The following CHST11 variants were observed in gnomAD, a reference collection of about 807,000 sequenced individuals.
CHST11 encodes C4S-1.
Under a neutral mutation model 30.4 loss-of-function variants are expected in CHST11, and 9 were observed. The observed-to-expected ratio is 0.30, with a 90% CI of 0.18 to 0.52. The LOEUF is 0.52. Ranked by LOEUF, CHST11 falls within the 20% of genes least tolerant of loss-of-function variation. CHST11 has a pLI of 0.97. For missense variants in CHST11, 348 were observed against 460.6 expected, an observed-to-expected ratio of 0.76 and a Z score of 2.24; for synonymous variants, 152 against 187.8, an observed-to-expected ratio of 0.81 and a Z score of 1.56.
At chr12:104,675,626 G>C (rs925086101) in intron 2 of CHST11, among the ~76,000 whole-genome samples, 2 of 152,120 alleles carry the variant, frequency 1.3e-5, no homozygotes, top group African/African-American at 4.8e-5. Context: ...TCAATCCAGG[G>C]GTTGAAGAAC....
chr12:104,565,149 T>A (rs1004280614), intron 1 of CHST11, among the ~76,000 whole-genome samples: 1 of 151,874 alleles, frequency 6.6e-6, no homozygotes, highest in African/African-American at 2.4e-5. Context: ...ACTCAAGGGC[T>A]CCCTGGTGGC....
chr12:104,630,732 T>C (rs1042203145), intron 2 of CHST11, among the ~76,000 whole-genome samples: 3 of 152,232 alleles, frequency 2.0e-5, no homozygotes, highest in African/African-American at 7.2e-5. Context: ...AAAACATCTC[T>C]TCTCAAGGCA....
At chr12:104,556,953 C>G (rs982380595) in intron 1 of CHST11, among the ~76,000 whole-genome samples, 2 of 150,654 alleles carry the variant, frequency 1.3e-5, no homozygotes, top group African/African-American at 2.4e-5. Context: ...TGCGCTCCAG[C>G]CTGGGCAACA....
intron 1 of CHST11, among the ~76,000 whole-genome samples, chr12:104,545,825 C>G (rs1054882017): frequency 9.9e-6 from 1 of 101,078 alleles, no homozygotes; most frequent in African/African-American, 3.1e-5. Flanking sequence ...CTCTCTTGCT[C>G]TCTGTCTCTC....
intron 1 of CHST11, among the ~76,000 whole-genome samples, chr12:104,489,632 C>A (rs556610164): frequency 1.3e-5 from 2 of 152,240 alleles, no homozygotes; most frequent in Non-Finnish European, 2.9e-5. Flanking sequence ...GCATGCACCA[C>A]CACGCCCAGC....
chr12:104,520,489 CT>C (rs903274327), intron 1 of CHST11, among the ~76,000 whole-genome samples: 149 of 150,920 alleles, frequency 9.9e-4, no homozygotes, highest in African/African-American at 3.5e-3. Flanking sequence ...CTTGTGTAAC[CT>C]TTTTTTTTAA....
chr12:104,520,748 G>T (rs1222501561), intron 1 of CHST11, among the ~76,000 whole-genome samples: 1 of 152,184 alleles, frequency 6.6e-6, no homozygotes, highest in African/African-American at 2.4e-5. Context: ...TGGGAGCGGG[G>T]ATGGCAGGGG....
intron 1 of CHST11, among the ~76,000 whole-genome samples, chr12:104,501,356 A>G (rs2037852534): frequency 6.6e-6 from 1 of 152,200 alleles, no homozygotes; most frequent in Non-Finnish European, 1.5e-5. Flanking sequence ...GGAAGTAACA[A>G]GAGGGCACTT....
chr12:104,511,008 C>A (rs996873043), intron 1 of CHST11, among the ~76,000 whole-genome samples: 4 of 151,874 alleles, frequency 2.6e-5, no homozygotes, highest in Non-Finnish European at 5.9e-5. Context: ...AGCCCAAAAC[C>A]TTTTGTTTGA....
At chr12:104,574,098 A>G (rs2038658128) in intron 1 of CHST11, among the ~76,000 whole-genome samples, 1 of 152,224 alleles carries the variant, frequency 6.6e-6, no homozygotes, top group Non-Finnish European at 1.5e-5. Context: ...CAGCCAAAAG[A>G]CACATGAAAA....
chr12:104,574,495 G>A (rs1314157640), intron 1 of CHST11, among the ~76,000 whole-genome samples: 1 of 152,194 alleles, frequency 6.6e-6, no homozygotes, highest in Non-Finnish European at 1.5e-5. Flanking sequence ...TTAAGAAAAT[G>A]TGGCACATAT....
chr12:104,650,391 C>G (rs893262314), intron 2 of CHST11, among the ~76,000 whole-genome samples: 2 of 152,124 alleles, frequency 1.3e-5, no homozygotes, highest in African/African-American at 4.8e-5. Context: ...TGTTTTTCTA[C>G]CAGGTAGAGA....
chr12:104,679,532 G>A (rs2039774789), intron 2 of CHST11, among the ~76,000 whole-genome samples: 1 of 152,114 alleles, frequency 6.6e-6, no homozygotes, highest in Non-Finnish European at 1.5e-5. Flanking sequence ...GGAAGAGTTG[G>A]GAATGGAGAG....
chr12:104,752,882 C>T, intron 2 of CHST11, among the ~76,000 whole-genome samples: 1 of 152,152 alleles, frequency 6.6e-6, no homozygotes, highest in Non-Finnish European at 1.5e-5. Context: ...AGTATCCCTA[C>T]AGAGATTATT....
chr12:104,656,133 G>A (rs1463967572), intron 2 of CHST11, among the ~76,000 whole-genome samples: 1 of 152,210 alleles, frequency 6.6e-6, no homozygotes, highest in Non-Finnish European at 1.5e-5. Flanking sequence ...AACTATGTCA[G>A]TTGGCCACTG....
chr12:104,751,074 C>A (rs190050964), intron 2 of CHST11, among the ~76,000 whole-genome samples: 80 of 152,192 alleles, frequency 5.3e-4, no homozygotes, highest in Non-Finnish European at 9.4e-4. Context: ...CCTCAAATAC[C>A]AGGTTTAAAA....
chr12:104,488,615 A>G (rs373670807), intron 1 of CHST11, among the ~76,000 whole-genome samples: 3 of 117,334 alleles, frequency 2.6e-5, no homozygotes, highest in Admixed American at 8.5e-5. Context: ...GTGTGTATGT[A>G]TGTGTGCATG....
intron 1 of CHST11, among the ~76,000 whole-genome samples, chr12:104,486,467 A>G (rs545927556): frequency 1.1e-3 from 172 of 152,322 alleles, no homozygotes; most frequent in South Asian, 2.5e-3. Flanking sequence ...TGTTGGTGAC[A>G]CAGTGTGGCT....
At chr12:104,573,719 T>C (rs1018760135) in intron 1 of CHST11, among the ~76,000 whole-genome samples, 2 of 152,204 alleles carry the variant, frequency 1.3e-5, no homozygotes, top group Non-Finnish European at 2.9e-5. Flanking sequence ...TCAAGATGGA[T>C]TAAAGACTTA....
Sources: allele counts gnomAD v4.1 joint callset (sites outside exome capture counted in the v4.1 genomes callset), GRCh38; gene constraint gnomAD v4.1.1; transcripts MANE v1.5; gene names NCBI Gene and HGNC (gene_info 2026-07-23, HGNC 2026-07-21).